TRAPPC9: variants seen among roughly 807,000 people sequenced by gnomAD.
TRAPPC9 encodes trafficking protein particle complex subunit 9.
Under a neutral mutation model 124.0 loss-of-function variants are expected in TRAPPC9, and 83 were observed. That is an observed-to-expected ratio of 0.67 (90% CI 0.56 to 0.80). The LOEUF is 0.80. Ranked by LOEUF, TRAPPC9 falls within the 30% of genes least tolerant of loss-of-function variation. The pLI, the probability that TRAPPC9 is intolerant of heterozygous loss-of-function variation, is 0.00. For missense variants in TRAPPC9, 1,302 were observed against 1,508.3 expected, an observed-to-expected ratio of 0.86 and a Z score of 2.27; for synonymous variants, 638 against 617.5, an observed-to-expected ratio of 1.03 and a Z score of -0.49.
At chr8:140,362,529 A>AAAAAAT (rs1306517524) in intron 8 of TRAPPC9, among the ~76,000 whole-genome samples, 2 of 152,170 alleles carry the variant, frequency 1.3e-5, no homozygotes, top group Non-Finnish European at 2.9e-5. Context: ...CACACTTAAA[A>AAAAAAT]AAAAATAAAA....
chr8:140,418,126 G>A (rs528219930), intron 5 of TRAPPC9, among the ~76,000 whole-genome samples: 12 of 152,124 alleles, frequency 7.9e-5, no homozygotes, highest in African/African-American at 2.9e-4. Flanking sequence ...CGGGTTGATG[G>A]GTGCAGCAAA....
intron 17 of TRAPPC9, among the ~76,000 whole-genome samples, chr8:140,038,391 G>A (rs942814851): frequency 1.3e-5 from 2 of 152,234 alleles, no homozygotes; most frequent in African/African-American, 2.4e-5. Flanking sequence ...AAGTCAGGAC[G>A]ATGAGAAGGA....
intron 10 of TRAPPC9, among the ~76,000 whole-genome samples, chr8:140,306,949 G>C (rs1331492668): frequency 1.3e-5 from 2 of 152,268 alleles, no homozygotes; most frequent in South Asian, 2.1e-4. Context: ...TTGTGTCCTT[G>C]TCTGTTGCCT....
chr8:139,846,218 T>A (rs1226830734), intron 21 of TRAPPC9, among the ~76,000 whole-genome samples: 1 of 152,216 alleles, frequency 6.6e-6, no homozygotes, highest in African/African-American at 2.4e-5. Flanking sequence ...CAAGAACAGA[T>A]GCCGGCCTGC....
At chr8:140,435,032 T>G (rs2070763113) in intron 4 of TRAPPC9, 80 bp downstream of exon 4, 25 of 1,603,920 alleles carry the variant, frequency 1.6e-5, no homozygotes, top group Non-Finnish European at 2.0e-5. Flanking sequence ...TAGTCCTAAC[T>G]CAAAGGAAAA....
chr8:140,427,869 G>A (rs1256007572), intron 4 of TRAPPC9, among the ~76,000 whole-genome samples: 1 of 152,112 alleles, frequency 6.6e-6, no homozygotes, highest in Non-Finnish European at 1.5e-5. Context: ...AAAAACAGGT[G>A]TTTTCCATTG....
At chr8:140,447,606 G>A (rs1291980771) in intron 2 of TRAPPC9, among the ~76,000 whole-genome samples, 2 of 152,208 alleles carry the variant, frequency 1.3e-5, no homozygotes, top group African/African-American at 4.8e-5. Context: ...AGGGGCACAT[G>A]TGAGCTGGTA....
chr8:139,862,907 C>T (rs1828264008), intron 21 of TRAPPC9, among the ~76,000 whole-genome samples: 1 of 152,234 alleles, frequency 6.6e-6, no homozygotes, highest in Non-Finnish European at 1.5e-5. Context: ...GTGGCGCCAC[C>T]TTTCGATCCG....
At chr8:139,954,718 A>G (rs1045470914) in intron 19 of TRAPPC9, among the ~76,000 whole-genome samples, 1 of 152,204 alleles carries the variant, frequency 6.6e-6, no homozygotes, top group Non-Finnish European at 1.5e-5. Context: ...CCACCAGCTA[A>G]CAATAAGGAA....
chr8:140,155,169 T>C (rs1341771981), intron 17 of TRAPPC9, among the ~76,000 whole-genome samples: 1 of 152,156 alleles, frequency 6.6e-6, no homozygotes, highest in East Asian at 1.9e-4. Flanking sequence ...GTAAATACCA[T>C]AAAAGGGGTG....
intron 21 of TRAPPC9, among the ~76,000 whole-genome samples, chr8:139,805,449 C>T (rs1823983027): frequency 6.6e-6 from 1 of 152,248 alleles, no homozygotes; most frequent in Admixed American, 6.5e-5. Context: ...CAGCTGTGCA[C>T]TCAGGCTAAG....
At chr8:140,107,238 A>G (rs1012636229) in intron 17 of TRAPPC9, among the ~76,000 whole-genome samples, 2 of 152,192 alleles carry the variant, frequency 1.3e-5, no homozygotes, top group Non-Finnish European at 2.9e-5. Context: ...CTGAAGTCTC[A>G]GAGCACTTAC....
At chr8:140,108,788 G>A (rs766481338) in intron 17 of TRAPPC9, among the ~76,000 whole-genome samples, 6 of 152,164 alleles carry the variant, frequency 3.9e-5, no homozygotes, top group Non-Finnish European at 7.4e-5. Context: ...CTCATGACCC[G>A]TGTAGTTAAT....
chr8:139,994,259 G>A (rs932800959), intron 18 of TRAPPC9, among the ~76,000 whole-genome samples: 4 of 152,192 alleles, frequency 2.6e-5, no homozygotes, highest in Admixed American at 1.3e-4. Context: ...CTGAGCTGGC[G>A]GCCCTGTGGG....
intron 21 of TRAPPC9, among the ~76,000 whole-genome samples, chr8:139,767,003 C>A (rs1820628623): frequency 6.6e-6 from 1 of 152,210 alleles, no homozygotes; most frequent in African/African-American, 2.4e-5. Flanking sequence ...TGGCACAGGG[C>A]CCGGCTGGCA....
intron 15 of TRAPPC9, among the ~76,000 whole-genome samples, chr8:140,269,629 G>C (rs572757651): frequency 6.6e-6 from 1 of 152,238 alleles, no homozygotes; most frequent in South Asian, 2.1e-4. Flanking sequence ...GGATAGATAT[G>C]TAATAAGGCA....
intron 19 of TRAPPC9, among the ~76,000 whole-genome samples, chr8:139,985,560 G>A (rs1012945666): frequency 3.9e-5 from 6 of 152,044 alleles, no homozygotes; most frequent in African/African-American, 1.2e-4. Flanking sequence ...CCAGCCCCAC[G>A]CGCATACCCA....
chr8:139,816,783 T>C (rs185993565), intron 21 of TRAPPC9, among the ~76,000 whole-genome samples: 5 of 152,252 alleles, frequency 3.3e-5, no homozygotes, highest in Admixed American at 3.3e-4. Flanking sequence ...ATAAGGACAC[T>C]GTCTTGGGTC....
chr8:140,137,186 C>T (rs573647043), intron 17 of TRAPPC9, among the ~76,000 whole-genome samples: 22 of 152,236 alleles, frequency 1.4e-4, no homozygotes, highest in Admixed American at 8.5e-4. Flanking sequence ...CCACAATTGG[C>T]AAATAGACAA....
Sources: allele counts gnomAD v4.1 joint callset (sites outside exome capture counted in the v4.1 genomes callset), GRCh38; gene constraint gnomAD v4.1.1; transcripts MANE v1.5; gene names NCBI Gene and HGNC (gene_info 2026-07-23, HGNC 2026-07-21).